Variants in CAD observed in about 807,000 individuals in gnomAD.
CAD encodes the protein carbamoyl-phosphate synthetase 2, aspartate transcarbamylase, and dihydroorotase.
CAD carries 81 observed loss-of-function variants against 237.2 expected under a neutral mutation model. The observed-to-expected ratio is 0.34, with a 90% CI of 0.29 to 0.41. The LOEUF is 0.41. CAD is among the 10% of genes least tolerant of loss of function. The pLI is 1.00. For synonymous variants in CAD, 1,196 were observed against 1,162.8 expected, an observed-to-expected ratio of 1.03 and a Z score of -0.58; for missense variants, 2,181 against 2,951.7, an observed-to-expected ratio of 0.74 and a Z score of 6.05.
rs539145263 is a variant in CAD at position 27,241,203 on chromosome 2, C to T, written c.5784C>T (p.Ser1928=). Residue 1928 remains serine (S), a synonymous_variant, in exon 37 of 44, where the codon TCC becomes TCT. Transcript: ENST00000264705. This position sits in a 1 kb window ranked among gnomAD's most constrained non-coding sequence, Gnocchi z 4.6. ...CATTAGTGGGCCAACATATCCTGTCCGTCCAGCAGTTCACCAAGGATCAGG... is the reference window on the plus strand; with the variant it reads ...CATTAGTGGGCCAACATATCCTGTCTGTCCAGCAGTTCACCAAGGATCAGG... ...LHSLVGQHIL[S]VQQFTKDQMS... is the part of the protein sequence containing the mutation. The T allele has an allele frequency of 4.8e-5, 77 of 1,612,360 alleles. 1 individual carries two copies. The East Asian group carries it at 1.4e-3, about 30-fold the overall frequency.
At position 27,240,824 on chromosome 2, in the gene CAD, C is replaced by T. The variant is rs1676280949; in HGVS notation, c.5594-87C>T. The T allele has an allele frequency of 6.9e-7, 1 of 1,447,102 alleles. No homozygotes were observed. The highest frequency in any genetic ancestry group is 9.7e-7 in the Non-Finnish European group (1 of 1,034,594). 89.6% of individuals were successfully genotyped at this position (1,447,102 alleles called of 1,614,324 possible). ...GTGTTGTGAATTGGTTTAACATATACACTGTGATTCAGAGTTCCTGGGAAT... is the reference window on the plus strand; with the variant it reads ...GTGTTGTGAATTGGTTTAACATATATACTGTGATTCAGAGTTCCTGGGAAT... On this transcript the variant is annotated intron_variant, in intron 35 of 43. Coordinates refer to ENST00000264705, the MANE Select transcript of CAD (RefSeq NM_004341.5). This position sits in a 1 kb window ranked among gnomAD's most constrained non-coding sequence, Gnocchi z 4.6.
At position 27,242,318 on chromosome 2, in the gene CAD, G is replaced by C. The variant is rs1370894480; in HGVS notation, c.6113G>C (p.Cys2038Ser). 1 of 1,612,360 alleles carries C rather than the reference G, an allele frequency of 6.2e-7. No individual in the cohort carries two copies. Among genetic ancestry groups the C allele is most frequent in the South Asian group, 1.1e-5 (1 of 91,020 alleles). ...PGAVELAAKHCRRPVINAGDG... is the reference protein window; with the variant it reads ...PGAVELAAKHSRRPVINAGDG... ...TTTTTCCAGCTGGCCGCCAAGCACT[G>C]CCGGAGGCCAGTGATCAATGCTGGG... Residue 2038 changes from cysteine to serine, a missense_variant, in exon 40 of 44, where the codon TGC (cysteine) becomes TCC (serine). This residue lies in a region of CAD where 203 missense variants were observed against 284.5 expected (regional missense o/e 0.71). Transcript: ENST00000264705. The surrounding 1 kb of genome is among the most constrained non-coding windows in gnomAD (Gnocchi z 6.4).
chr2:27,237,807 T>C lies in CAD; in HGVS notation c.4653T>C (p.Ser1551=). ...GAACCTTGGGCACCGTGGCCGGGTC[T>C]GCAGCCGGGCTGAAGCTTTACCTCA... ...NAGTLGTVAG[S]AAGLKLYLNE... is the part of the protein sequence containing the mutation. Residue 1551 remains serine (S), a synonymous_variant, in exon 29 of 44, where the codon TCT becomes TCC. Transcript: ENST00000264705. This position sits in a 1 kb window ranked among gnomAD's most constrained non-coding sequence, Gnocchi z 4.0. The C allele has an allele frequency of 2.5e-6, 4 of 1,614,246 alleles. No individual in the cohort carries two copies.
Position 27,239,812 on chromosome 2 carries a change from T to C in CAD, c.5496+14T>C. 4 of 1,513,236 alleles carry C rather than the reference T, an allele frequency of 2.6e-6. No homozygotes were observed. Among genetic ancestry groups the C allele is most frequent in the Non-Finnish European group, 3.6e-6 (4 of 1,125,544 alleles). 93.7% of individuals were successfully genotyped at this position (1,513,236 alleles called of 1,614,324 possible). On this transcript the variant is annotated intron_variant, in intron 34 of 43. Transcript: ENST00000264705. This position sits in a 1 kb window ranked among gnomAD's most constrained non-coding sequence, Gnocchi z 4.0. ...GAGATGACCACGGTATCCACACTACTGGGCTAGGGGGCTGGGAGGTGTTAG... is the reference window on the plus strand; with the variant it reads ...GAGATGACCACGGTATCCACACTACCGGGCTAGGGGGCTGGGAGGTGTTAG...
rs1676349349 is a variant in CAD at position 27,242,123 on chromosome 2, G to C, written c.6096G>C (p.Glu2032Asp). Residue 2032 changes from glutamate to aspartate, a missense_variant and splice_region_variant, in exon 39 of 44, where the codon GAG becomes GAC. Physicochemically the swap from Glu to Asp is conservative, Grantham distance 45. This residue lies in a region of CAD where 203 missense variants were observed against 284.5 expected (regional missense o/e 0.71). Coordinates refer to ENST00000264705, the MANE Select transcript of CAD (RefSeq NM_004341.5). This position sits in a 1 kb window ranked among gnomAD's most constrained non-coding sequence, Gnocchi z 6.4. ...GGCACCCCCAGCCTGGAGCAGTGGA[G>C]GTGAGGCCAGCCTGGGTACTGAGAT... ...VLRHPQPGAV[E>D]LAAKHCRRPV... 1 of 1,612,450 alleles carries C rather than the reference G, an allele frequency of 6.2e-7. No homozygotes were observed. The highest frequency in any genetic ancestry group is 8.5e-7 in the Non-Finnish European group (1 of 1,179,836).
At position 27,232,146 on chromosome 2, in the gene CAD, A is replaced by G. The variant is rs1675791853; in HGVS notation, c.2567A>G (p.Gln856Arg). 2.5e-6 allele frequency: 4 copies of G among 1,614,272 alleles called. No individual in the cohort carries two copies. The East Asian group carries it at 6.7e-5, about 27-fold the overall frequency. The change falls in exon 17 of 44, where the codon CAG becomes CGG. Residue 856 changes from glutamine to arginine, a missense_variant. Physicochemically the swap from Gln to Arg is conservative, Grantham distance 43. Around this residue, in one of 12 missense-constraint regions of CAD, gnomAD observed 385 missense variants for 535.1 expected, o/e 0.72. Coordinates refer to ENST00000264705, the MANE Select transcript of CAD (RefSeq NM_004341.5). This position sits in a 1 kb window ranked among gnomAD's most constrained non-coding sequence, Gnocchi z 4.1. ...HAQLLEQHRG[Q>R]PLPPDLLQQA... is the part of the protein sequence containing the mutation. ...CAGCTGCTAGAACAACACCGTGGACAGCCTTTGCCGCCAGACCTGCTGCAA... is the reference window on the plus strand; with the variant it reads ...CAGCTGCTAGAACAACACCGTGGACGGCCTTTGCCGCCAGACCTGCTGCAA...
intron 5 of CAD, 55 bp from the exon 6 acceptor site, chr2:27,222,811 G>T: frequency 6.3e-7 from 1 of 1,593,426 alleles, no homozygotes; most frequent in Non-Finnish European, 8.6e-7. Context: ...GGCTGCAGGT[G>T]TGTCTCCTGT....
chr2:27,227,202 C>T (rs1464924613), intron 15 of CAD, among the ~76,000 whole-genome samples: 1 of 152,166 alleles, frequency 6.6e-6, no homozygotes, highest in Non-Finnish European at 1.5e-5. Flanking sequence ...GCAGTATCTC[C>T]TCCTCTGGCA....
chr2:27,225,381 A>T, intron 11 of CAD, 138 bp downstream of exon 11: 1 of 604,416 alleles, frequency 1.7e-6, no homozygotes, highest in Non-Finnish European at 2.8e-6. Context: ...ATCTCGGCTC[A>T]TCATAACCTC....
chr2:27,224,116 C>T (rs1384891900), intron 8 of CAD, 87 bp downstream of exon 8: 2 of 1,040,356 alleles, frequency 1.9e-6, no homozygotes, highest in African/African-American at 3.1e-5. Context: ...CTGGGCAACT[C>T]CTAGATGTCT....
Position 27,222,255 on chromosome 2 carries a change from G to C in CAD, c.414G>C (p.Leu138=). 1 of 1,613,974 alleles carries C rather than the reference G, an allele frequency of 6.2e-7. No homozygotes were observed. The highest frequency in any genetic ancestry group is 8.5e-7 in the Non-Finnish European group (1 of 1,179,980). ...LREQGSLLGK[L]VQNGTEPSSL... Reference sequence around the variant, plus strand: ...AACAGGGGTCTCTGCTGGGGAAGCTGGTCCAGAATGGAACAGAACCTTCAT... The same window carrying C: ...AACAGGGGTCTCTGCTGGGGAAGCTCGTCCAGAATGGAACAGAACCTTCAT... The change falls in exon 4 of 44, where the codon CTG becomes CTC. Residue 138 remains leucine (L), a synonymous_variant. Coordinates refer to ENST00000264705, the MANE Select transcript of CAD (RefSeq NM_004341.5).
Position 27,232,399 on chromosome 2 carries a change from C to A in CAD, c.2646-49C>A, listed in dbSNP as rs375430826. On this transcript the variant is annotated intron_variant, in intron 17 of 43. Transcript: ENST00000264705. The surrounding 1 kb of genome is among the most constrained non-coding windows in gnomAD (Gnocchi z 4.1). Reference sequence around the variant, plus strand: ...CCTGGGGTCTCAACCCTCTATCAGTCTGTACCCTACTCTCTGGGCCTGTGT... The same window carrying A: ...CCTGGGGTCTCAACCCTCTATCAGTATGTACCCTACTCTCTGGGCCTGTGT... 1.1e-4 allele frequency: 170 copies of A among 1,610,540 alleles called. 1 individual carries two copies. Among genetic ancestry groups the A allele is most frequent in the Non-Finnish European group, 1.4e-4 (165 of 1,178,534 alleles).
In CAD at chr2:27,238,414, T is replaced by C. The variant is rs1357384239; in HGVS notation, c.4861-17T>C. On this transcript the variant is annotated splice_polypyrimidine_tract_variant and intron_variant, in intron 30 of 43. Coordinates refer to ENST00000264705, the MANE Select transcript of CAD (RefSeq NM_004341.5). ...ATATGGGTGGTGCCTCTTCTGGATC[T>C]TCCCATTGTTCCCCAGATCCTGCTA... 1 of 1,553,986 alleles carries C rather than the reference T, an allele frequency of 6.4e-7. No individual in the cohort carries two copies. Among genetic ancestry groups the C allele is most frequent in the East Asian group, 2.3e-5 (1 of 44,352 alleles).
chr2:27,218,803 A>G (rs1028802454), intron 2 of CAD, among the ~76,000 whole-genome samples: 13 of 152,212 alleles, frequency 8.5e-5, no homozygotes, highest in Admixed American at 3.9e-4. Context: ...GAGGAAGTCA[A>G]TCTGGCCTAG....
At position 27,242,157 on chromosome 2, in the gene CAD, G is replaced by A. The variant is rs778852864; in HGVS notation, c.6096+34G>A. On this transcript the variant is annotated intron_variant, in intron 39 of 43. Transcript: ENST00000264705. This position sits in a 1 kb window ranked among gnomAD's most constrained non-coding sequence, Gnocchi z 6.4. ...AGCCTGGGTACTGAGATGGGGTTAAGAAGGCTGGACCCAGGGGCATGAGAA... is the reference window on the plus strand; with the variant it reads ...AGCCTGGGTACTGAGATGGGGTTAAAAAGGCTGGACCCAGGGGCATGAGAA... The A allele has an allele frequency of 6.2e-7, 1 of 1,606,996 alleles. No homozygotes were observed. The highest frequency in any genetic ancestry group is 1.1e-5 in the South Asian group (1 of 90,872).
intron 42 of CAD, 53 bp downstream of exon 42, chr2:27,243,026 T>TA (rs1676399124): frequency 6.8e-7 from 1 of 1,461,634 alleles, no homozygotes; most frequent in African/African-American, 1.4e-5. Flanking sequence ...GGGCATCAGA[T>TA]ATGAGGACAG....
rs1263263406 is a variant in CAD, at chr2:27,225,228, A to AAAT, written c.1606_1608dup (p.Asn536dup). 3 of 1,612,394 alleles carry AAAT rather than the reference A, an allele frequency of 1.9e-6. No individual in the cohort carries two copies. Among genetic ancestry groups the AAAT allele is most frequent in the Admixed American group, 1.7e-5 (1 of 59,984 alleles). On this transcript the variant is annotated inframe_insertion, in exon 11 of 44. Coordinates refer to ENST00000264705, the MANE Select transcript of CAD (RefSeq NM_004341.5). ...AGCATGTGGCCCCGAGCGAGGCAGC[A>AAAT]AATTCTCTTGAACAGGTTGGAGGGG...
rs1407356196 is a variant in CAD at position 27,240,346 on chromosome 2, G to A, written c.5578G>A (p.Asp1860Asn). ...GCCGCCCCGAATCCATCGAGCCTCC[G>A]ACCCAGGTTTGCCAGGTAAGAGTGG... ...HLPPRIHRAS[D>N]PGLPAEEPKE... Residue 1860 changes from aspartate to asparagine, a missense_variant, in exon 35 of 44, where the codon GAC (aspartate) becomes AAC (asparagine). By Grantham distance (23) the Asp-to-Asn change is conservative (BLOSUM62 1). Coordinates refer to ENST00000264705, the MANE Select transcript of CAD (RefSeq NM_004341.5). This position sits in a 1 kb window ranked among gnomAD's most constrained non-coding sequence, Gnocchi z 4.6. 1.9e-6 allele frequency: 3 copies of A among 1,614,064 alleles called. No homozygotes were observed. The highest frequency in any genetic ancestry group is 1.1e-5 in the South Asian group (1 of 91,076).
chr2:27,226,863 G>C lies in CAD; in HGVS notation c.2188G>C (p.Glu730Gln). Residue 730 changes from glutamate (E) to glutamine (Q), a missense_variant, in exon 15 of 44, where the codon GAA becomes CAA. Physicochemically the swap from Glu to Gln is conservative, Grantham distance 29. Around this residue, in one of 12 missense-constraint regions of CAD, gnomAD observed 385 missense variants for 535.1 expected, o/e 0.72. Transcript: ENST00000264705. ...NSVTGGTAAF[E>Q]PSVDYCVVKI... is the part of the protein sequence containing the mutation. ...TGTGACAGGGGGTACAGCAGCCTTT[G>C]AACCCAGCGTGGATTATTGTGTGGT... 4 of 1,614,198 alleles carry C rather than the reference G, an allele frequency of 2.5e-6. No homozygotes were observed. The highest frequency in any genetic ancestry group is 3.4e-6 in the Non-Finnish European group (4 of 1,180,046).
Sources: allele counts gnomAD v4.1 joint callset (sites outside exome capture counted in the v4.1 genomes callset), GRCh38; gene constraint gnomAD v4.1.1; regional missense constraint gnomAD v4.1.1; non-coding constraint Gnocchi (gnomAD v3.1); transcripts MANE v1.5; gene names NCBI Gene and HGNC (gene_info 2026-07-23, HGNC 2026-07-21).